BIRC6: variants seen among roughly 807,000 people sequenced by gnomAD.
BIRC6 encodes the protein dual E2 ubiquitin-conjugating enzyme/E3 ubiquitin-protein ligase BIRC6.
BIRC6 carries 98 observed loss-of-function variants against 503.3 expected under a neutral mutation model. That is an observed-to-expected ratio of 0.19 (90% confidence interval 0.17 to 0.23). BIRC6 has a LOEUF of 0.23. BIRC6 is among the 10% of genes least tolerant of loss of function. The probability of loss-of-function intolerance (pLI) is 1.00; values close to 1 mark genes in which losing one functional copy is unlikely to be tolerated. For missense variants in BIRC6, 5,360 were observed against 5,806.0 expected (o/e 0.92, Z 2.50); for synonymous variants, 2,240 against 2,078.7 (o/e 1.08, Z -2.11).
At chr2:32,612,634 CAA>C (rs562667563) in intron 73 of BIRC6, among the ~76,000 whole-genome samples, 1 of 151,970 alleles carries the variant, frequency 6.6e-6, no homozygotes, top group Non-Finnish European at 1.5e-5. Context: ...TTGTGAATGA[CAA>C]AGTGTATGAT....
intron 26 of BIRC6, among the ~76,000 whole-genome samples, chr2:32,467,185 G>A (rs2048644504): frequency 6.6e-6 from 1 of 151,680 alleles, no homozygotes; most frequent in Non-Finnish European, 1.5e-5. Flanking sequence ...GCTATTCACA[G>A]GTGCAGTAGC....
chr2:32,611,983 C>T (rs2062908772), intron 73 of BIRC6, among the ~76,000 whole-genome samples: 1 of 152,144 alleles, frequency 6.6e-6, no homozygotes, highest in African/African-American at 2.4e-5. Flanking sequence ...TCAAGCAGTC[C>T]TCCCACCTCA....
chr2:32,597,266 T>C (rs1318190754), intron 68 of BIRC6, among the ~76,000 whole-genome samples: 1 of 152,248 alleles, frequency 6.6e-6, no homozygotes, highest in Non-Finnish European at 1.5e-5. Context: ...AACATCTCAG[T>C]GGCTTTCATT....
At chr2:32,512,099 G>A (rs1451487232) in intron 53 of BIRC6, among the ~76,000 whole-genome samples, 1 of 152,130 alleles carries the variant, frequency 6.6e-6, no homozygotes, top group Non-Finnish European at 1.5e-5. Flanking sequence ...ATATAAAACT[G>A]ACATTAATGA....
At chr2:32,397,872 T>C (rs1430886147) in intron 6 of BIRC6, among the ~76,000 whole-genome samples, 1 of 152,110 alleles carries the variant, frequency 6.6e-6, no homozygotes, top group Non-Finnish European at 1.5e-5. Flanking sequence ...CTTGGGATAC[T>C]GAAAACCCAT....
At chr2:32,393,137 A>G (rs750904942) in intron 5 of BIRC6, among the ~76,000 whole-genome samples, 16 of 151,932 alleles carry the variant, frequency 1.1e-4, no homozygotes, top group Middle Eastern at 3.4e-3. Context: ...TTACCCATAT[A>G]CTAGATAACT....
At chr2:32,464,177 G>A (rs955430622) in intron 24 of BIRC6, among the ~76,000 whole-genome samples, 2 of 152,144 alleles carry the variant, frequency 1.3e-5, no homozygotes, top group African/African-American at 4.8e-5. Context: ...GTGACAAATT[G>A]TATTACATTA....
At chr2:32,411,443 A>ATTTTTTTTTTTTTTTTTTTTT (rs2041872438) in intron 9 of BIRC6, among the ~76,000 whole-genome samples, 1 of 142,956 alleles carries the variant, frequency 7.0e-6, no homozygotes, top group South Asian at 2.2e-4. Context: ...TTTTTTTTTT[A>ATTTTTTTTTTTTTTTTTTTTT]AATTTTCTAT....
At chr2:32,567,955 T>G (rs114884455) in intron 65 of BIRC6, among the ~76,000 whole-genome samples, 2,524 of 151,890 alleles carry the variant, frequency 0.017, 51 homozygotes, top group African/African-American at 0.059. Flanking sequence ...AAAATAATAA[T>G]TAAAAAATTA....
chr2:32,441,201 CA>C, intron 16 of BIRC6, 127 bp from the exon 17 acceptor site: 1 of 692,036 alleles, frequency 1.4e-6, no homozygotes, highest in Non-Finnish European at 2.4e-6. Flanking sequence ...TACAAGCTAT[CA>C]TTTTAACTTG....
intron 1 of BIRC6, among the ~76,000 whole-genome samples, chr2:32,362,440 C>T (rs1291086022): frequency 1.3e-5 from 2 of 151,858 alleles, no homozygotes; most frequent in African/African-American, 4.8e-5. Flanking sequence ...CTCAGCCTCC[C>T]AACTAGCTGG....
At chr2:32,531,981 A>G (rs1433978054) in intron 61 of BIRC6, among the ~76,000 whole-genome samples, 3 of 152,150 alleles carry the variant, frequency 2.0e-5, no homozygotes, top group African/African-American at 7.2e-5. Context: ...TAAAAACATG[A>G]CCTATTCCCG....
rs755517092 is a variant in BIRC6, at chr2:32,481,389, A to G, written c.7478A>G (p.Glu2493Gly). The change falls in exon 38 of 74, where the codon GAA (glutamate) becomes GGA (glycine). Residue 2493 changes from glutamate (E) to glycine (G), a missense_variant. By Grantham distance (98) the Glu-to-Gly change is moderately conservative. Transcript: ENST00000421745. Reference protein sequence around the residue: ...IDLELLQDLMEVDIDPLDIDL... With the variant: ...IDLELLQDLMGVDIDPLDIDL... Reference sequence around the variant, plus strand: ...CTTGAGTTACTTCAGGATCTAATGGAAGTTGACATTGATCCTTTAGATATT... The same window carrying G: ...CTTGAGTTACTTCAGGATCTAATGGGAGTTGACATTGATCCTTTAGATATT... 1 of 1,612,546 alleles carries G rather than the reference A, an allele frequency of 6.2e-7. No individual in the cohort carries two copies. Among genetic ancestry groups the G allele is most frequent in the South Asian group, 1.1e-5 (1 of 90,908 alleles).
intron 50 of BIRC6, among the ~76,000 whole-genome samples, chr2:32,507,763 A>G (rs997161545): frequency 6.6e-5 from 10 of 152,174 alleles, no homozygotes; most frequent in African/African-American, 2.4e-4. Context: ...GTTTAAGTAT[A>G]ATTTTTATTG....
At chr2:32,396,925 G>A (rs2039963913) in intron 6 of BIRC6, among the ~76,000 whole-genome samples, 1 of 151,838 alleles carries the variant, frequency 6.6e-6, no homozygotes, top group African/African-American at 2.4e-5. Context: ...ACGGGGTTTC[G>A]CCATGTTTGC....
rs150659120 is a variant in BIRC6, at chr2:32,377,213, A to ATATG, written c.326-374_326-373insATGT. Among the ~76,000 whole-genome samples the ATATG allele has an allele frequency of 3.9e-4, 56 of 144,258 alleles. 1 individual carries two copies. The highest frequency in any genetic ancestry group is 2.8e-3 in the East Asian group (14 of 4,920). 94.6% of individuals were successfully genotyped at this position (144,258 alleles called of 152,430 possible). Reference sequence around the variant, plus strand: ...TTTGCTTATTATTCCCTTAATATATATGTGTGTGTGTGTGTGTGTGTGTGT... The same window carrying ATATG: ...TTTGCTTATTATTCCCTTAATATATATATGTGTGTGTGTGTGTGTGTGTGTGTGT... On this transcript the variant is annotated intron_variant, in intron 1 of 73. Coordinates refer to ENST00000421745, the MANE Select transcript of BIRC6 (RefSeq NM_016252.4).
chr2:32,422,396 AT>A (rs1490130173), intron 10 of BIRC6, among the ~76,000 whole-genome samples: 4 of 151,980 alleles, frequency 2.6e-5, no homozygotes, highest in African/African-American at 7.3e-5. Context: ...TTAGTGTGCC[AT>A]TTTAATCCCT....
chr2:32,504,733 A>G (rs1166314217), intron 49 of BIRC6, among the ~76,000 whole-genome samples: 1 of 152,066 alleles, frequency 6.6e-6, no homozygotes, highest in Admixed American at 6.6e-5. Flanking sequence ...TTATTGAGCT[A>G]CGTTTATTGC....
At chr2:32,545,587 T>C in intron 62 of BIRC6, 56 bp from the exon 63 acceptor site, 2 of 1,421,224 alleles carry the variant, frequency 1.4e-6, no homozygotes, top group Non-Finnish European at 2.0e-6. Flanking sequence ...TGTATGTAAC[T>C]TCTTATGTGT....
Sources: allele counts gnomAD v4.1 joint callset (sites outside exome capture counted in the v4.1 genomes callset), GRCh38; gene constraint gnomAD v4.1.1; transcripts MANE v1.5; gene names NCBI Gene and HGNC (gene_info 2026-07-23, HGNC 2026-07-21).